The following PP2D1 variants were observed in gnomAD, a reference collection of about 807,000 sequenced individuals.
PP2D1 encodes the protein protein phosphatase 2C like domain containing 1, also known as protein phosphatase 2C-like domain-containing protein 1.
A neutral mutation model predicts 30.2 loss-of-function variants in PP2D1; 25 were observed. That is an observed-to-expected ratio of 0.83 (90% CI 0.60 to 1.16). The LOEUF (loss-of-function observed/expected upper bound fraction) is 1.16, where lower values mean the gene tolerates loss of function less well. Among genes scored for constraint, PP2D1 ranks in the 50% most tolerant of loss-of-function variants. PP2D1 has a pLI of 0.00. For synonymous variants in PP2D1, 260 were observed against 258.9 expected (o/e 1.00, Z -0.04); for missense variants, 760 against 742.4 (o/e 1.02, Z -0.28).
At chr3:20,003,605 G>A (rs1368146654) in intron 1 of PP2D1, among the ~76,000 whole-genome samples, 3 of 151,832 alleles carry the variant, frequency 2.0e-5, no homozygotes, top group East Asian at 1.9e-4. Context: ...TTAGCTGAGC[G>A]TGGTGGCTTA....
rs1048967291 is a variant in PP2D1 at position 20,001,878 on chromosome 3, T to C, written c.242A>G (p.His81Arg). Residue 81 changes from histidine to arginine, a missense_variant, in exon 2 of 3, where the codon CAT becomes CGT. Physicochemically the swap from His to Arg is conservative, Grantham distance 29. Around this residue, in one of 3 missense-constraint regions of PP2D1, gnomAD observed 374 missense variants for 388.8 expected, o/e 0.96. Coordinates refer to ENST00000389050, the MANE Select transcript of PP2D1 (RefSeq NM_001252657.2). ...HEIDLTGIFL[H>R]KKQHVALATL... The stretch of plus-strand genomic sequence containing the variant: ...GGCCAGAGCTACATGTTGCTTCTTA[T>C]GGAGAAAAATACCAGTTAGGTCAAT... 28 of 1,536,112 alleles carry C rather than the reference T, an allele frequency of 1.8e-5. No homozygotes were observed. The highest frequency in any genetic ancestry group is 2.7e-5 in the African/African-American group (2 of 73,022).
chr3:19,998,169 A>G (rs1031385754), intron 2 of PP2D1, among the ~76,000 whole-genome samples: 3 of 152,154 alleles, frequency 2.0e-5, no homozygotes, highest in Non-Finnish European at 4.4e-5. Context: ...GTCTCTACTA[A>G]AAATACAAAA....
In PP2D1 at chr3:19,985,858, G is replaced by A. The variant is rs1559495588; in HGVS notation, c.1415C>T (p.Thr472Ile). ...DKEEVTALAM[T>I]TFHMYKETYC... The stretch of plus-strand genomic sequence containing the variant: ...TGTTTCTTTATACATGTGAAATGTT[G>A]TCATTGCCAGGGCAGTAACTTCCTC... The change falls in exon 3 of 3, where the codon ACA becomes ATA. Residue 472 changes from threonine to isoleucine, a missense_variant. Coordinates refer to ENST00000389050, the MANE Select transcript of PP2D1 (RefSeq NM_001252657.2). The A allele has an allele frequency of 6.5e-7, 1 of 1,536,342 alleles. No individual in the cohort carries two copies. Among genetic ancestry groups the A allele is most frequent in the South Asian group, 1.2e-5 (1 of 84,060 alleles).
downstream of PP2D1, chr3:19,985,195 C>T: frequency 3.8e-6 from 2 of 525,974 alleles, no homozygotes; most frequent in South Asian, 6.5e-5. Flanking sequence ...TTTCTCTTTT[C>T]CTTTTTTTTG....
rs1697254300 is a variant in PP2D1 at position 20,001,630 on chromosome 3, A to C, written c.490T>G (p.Cys164Gly). The C allele has an allele frequency of 5.9e-6, 9 of 1,536,218 alleles. No individual in the cohort carries two copies. Among genetic ancestry groups the C allele is most frequent in the Non-Finnish European group, 7.0e-6 (8 of 1,146,900 alleles). ...DRSVIYSQKI[C>G]HLLIKGVGIC... ...CCCACTCCTTTAATTAACAGATGAC[A>C]TATTTTTTGAGAATATATGACACTC... Residue 164 changes from cysteine (C) to glycine (G), a missense_variant, in exon 2 of 3, where the codon TGT becomes GGT. Physicochemically the swap from Cys to Gly is radical, Grantham distance 159. Around this residue, in one of 3 missense-constraint regions of PP2D1, gnomAD observed 374 missense variants for 388.8 expected, o/e 0.96. Coordinates refer to ENST00000389050, the MANE Select transcript of PP2D1 (RefSeq NM_001252657.2).
chr3:19,990,640 G>T (rs1697107376), intron 2 of PP2D1, among the ~76,000 whole-genome samples: 2 of 152,156 alleles, frequency 1.3e-5, no homozygotes, highest in African/African-American at 4.8e-5. Flanking sequence ...ACAATGAGTG[G>T]CATATGCTGT....
At position 20,001,197 on chromosome 3, in the gene PP2D1, T is replaced by C. The variant is rs1045830924; in HGVS notation, c.923A>G (p.Gln308Arg). 9.2e-6 allele frequency: 14 copies of C among 1,527,442 alleles called. No homozygotes were observed. Among genetic ancestry groups the C allele is most frequent in the Non-Finnish European group, 1.2e-5 (14 of 1,143,592 alleles). 94.6% of individuals were successfully genotyped at this position (1,527,442 alleles called of 1,614,324 possible). The change falls in exon 2 of 3, where the codon CAA (glutamine) becomes CGA (arginine). Residue 308 changes from glutamine to arginine, a missense_variant. Around this residue, in one of 3 missense-constraint regions of PP2D1, gnomAD observed 374 missense variants for 388.8 expected, o/e 0.96. Transcript: ENST00000389050. The stretch of plus-strand genomic sequence containing the variant: ...AGTAACTGCAGAGCAGCCACTCCAT[T>C]GAACCCTGGACACTTCTTTTCTTCC... ...GLGRKEVSRVQWSGCSAVTCI... is the reference protein window; with the variant it reads ...GLGRKEVSRVRWSGCSAVTCI...
chr3:19,979,994 A>C (rs1337245975), exon 4 of PP2D1: 1 of 152,236 alleles, frequency 6.6e-6, no homozygotes, highest in African/African-American at 2.4e-5. Flanking sequence ...ATTTTTCACT[A>C]GGTGACAGAG....
chr3:19,993,522 G>T (rs2948113), intron 2 of PP2D1, among the ~76,000 whole-genome samples: 8 of 151,942 alleles, frequency 5.3e-5, no homozygotes, highest in African/African-American at 1.7e-4. Context: ...GATCACTTAA[G>T]GTCAGGAGTT....
intron 2 of PP2D1, among the ~76,000 whole-genome samples, chr3:19,988,107 T>C (rs946524548): frequency 1.3e-5 from 2 of 152,152 alleles, no homozygotes; most frequent in Non-Finnish European, 2.9e-5. Flanking sequence ...GTTTAAACAA[T>C]ATGAAATCTG....
chr3:20,001,134 T>C lies in PP2D1; in HGVS notation c.986A>G (p.His329Arg). The C allele has an allele frequency of 2.1e-6, 3 of 1,445,502 alleles. No homozygotes were observed. Among genetic ancestry groups the C allele is most frequent in the South Asian group, 1.4e-5 (1 of 69,356 alleles). The allele number at this position is 1,445,502 out of a possible 1,614,324, so 89.5% of individuals were successfully genotyped here. A position where few individuals can be genotyped will look rare whatever the true frequency, so the allele number is the denominator to read the frequency against. The change falls in exon 2 of 3, where the codon CAT (histidine) becomes CGT (arginine). Residue 329 changes from histidine to arginine, a missense_variant. This residue lies in a region of PP2D1 where 374 missense variants were observed against 388.8 expected (regional missense o/e 0.96). Transcript: ENST00000389050. Reference sequence around the variant, plus strand: ...GGTATTTTTTCTTTTCCAATTCTTATGAGCATAAGGACTTTTAGGTTTGCC... The same window carrying C: ...GGTATTTTTTCTTTTCCAATTCTTACGAGCATAAGGACTTTTAGGTTTGCC... ...LEGKPKSPYAHKNWKRKNTHD... is the reference protein window; with the variant it reads ...LEGKPKSPYARKNWKRKNTHD...
rs141592304 is a variant in PP2D1, at chr3:19,999,646, C to G, written c.1090+1384G>C. On this transcript the variant is annotated intron_variant, in intron 2 of 2. Coordinates refer to ENST00000389050, the MANE Select transcript of PP2D1 (RefSeq NM_001252657.2). Reference sequence around the variant, plus strand: ...TGAGGTGATCCACCCACCTCGGCCTCCCAAAGTGCTGGAATTACAGGCGTG... The same window carrying G: ...TGAGGTGATCCACCCACCTCGGCCTGCCAAAGTGCTGGAATTACAGGCGTG... Among the ~76,000 whole-genome samples the G allele has an allele frequency of 9.3e-3, 1,409 of 152,172 alleles. 11 individuals carry two copies. Among genetic ancestry groups the G allele is most frequent in the Non-Finnish European group, 0.014 (980 of 68,004 alleles).
intron 1 of PP2D1, among the ~76,000 whole-genome samples, chr3:20,005,203 AG>A (rs1697304389): frequency 6.6e-6 from 1 of 151,334 alleles, no homozygotes; most frequent in Non-Finnish European, 1.5e-5. Context: ...CCCAGCCTGG[AG>A]TACAAGGGCG....
chr3:19,993,779 G>C (rs144557599), intron 2 of PP2D1, among the ~76,000 whole-genome samples: 10 of 152,042 alleles, frequency 6.6e-5, no homozygotes, highest in African/African-American at 2.4e-4. Flanking sequence ...TCGCTCTGTC[G>C]CCCAGGCTGG....
downstream of PP2D1, among the ~76,000 whole-genome samples, chr3:19,982,620 G>A (rs1042423888): frequency 2.6e-5 from 4 of 152,022 alleles, no homozygotes; most frequent in Admixed American, 6.6e-5. Context: ...AGTCTGAGGC[G>A]GAAGAGTTGC....
intron 2 of PP2D1, among the ~76,000 whole-genome samples, chr3:19,990,592 A>G (rs1697104728): frequency 6.6e-6 from 1 of 152,218 alleles, no homozygotes; most frequent in Non-Finnish European, 1.5e-5. Flanking sequence ...GAACGAACTA[A>G]AAAACTAGAT....
chr3:20,012,180 T>G lies in PP2D1; in HGVS notation c.-108A>C. On this transcript the variant is annotated 5_prime_UTR_variant, in exon 1 of 3. Transcript: ENST00000389050. ...ATGGTGGAGGTAGAGGTGAATGTGATGGCTGTGGCAGAAGTAGTGGTGATG... is the reference window on the plus strand; with the variant it reads ...ATGGTGGAGGTAGAGGTGAATGTGAGGGCTGTGGCAGAAGTAGTGGTGATG... 1.1e-6 allele frequency: 1 copy of G among 906,950 alleles called. No individual in the cohort carries two copies. The highest frequency in any genetic ancestry group is 1.6e-5 in the South Asian group (1 of 62,772). The allele number at this position is 906,950 out of a possible 1,614,324, so 56.2% of individuals were successfully genotyped here. A position where few individuals can be genotyped will look rare whatever the true frequency, so the allele number is the denominator to read the frequency against.
downstream of PP2D1, chr3:19,985,064 A>G (rs967980805): frequency 8.0e-6 from 2 of 250,278 alleles, no homozygotes; most frequent in Non-Finnish European, 1.5e-5. Context: ...TAAGTGTTGG[A>G]CTGCTAGGAG....
chr3:20,001,221 C>G lies in PP2D1; in HGVS notation c.899G>C (p.Gly300Ala), dbSNP rs1394268683. The G allele has an allele frequency of 5.9e-6, 9 of 1,535,292 alleles. No individual in the cohort carries two copies. In the African/African-American group the frequency reaches 1.2e-4, roughly 21 times the overall value. ...FWRMDRLLGL[G>A]RKEVSRVQWS... ...TTGAACCCTGGACACTTCTTTTCTT[C>G]CAAGACCTAAAAGCCTATCCATTCT... The change falls in exon 2 of 3, where the codon GGA becomes GCA. Residue 300 changes from glycine (G) to alanine (A), a missense_variant. Physicochemically the swap from Gly to Ala is moderately conservative, Grantham distance 60. Coordinates refer to ENST00000389050, the MANE Select transcript of PP2D1 (RefSeq NM_001252657.2).
Sources: allele counts gnomAD v4.1 joint callset (sites outside exome capture counted in the v4.1 genomes callset), GRCh38; gene constraint gnomAD v4.1.1; regional missense constraint gnomAD v4.1.1; transcripts MANE v1.5; gene names NCBI Gene and HGNC (gene_info 2026-07-23, HGNC 2026-07-21).